Variants in CCDC171 observed in about 807,000 individuals in gnomAD.
The protein encoded by CCDC171 is coiled-coil domain containing 171, also known as coiled-coil domain-containing protein 171.
In CCDC171, 177 loss-of-function variants were observed where a neutral mutation model predicts 168.2. The observed-to-expected ratio is 1.05, with a 90% CI of 0.93 to 1.19. The LOEUF (loss-of-function observed/expected upper bound fraction) is 1.19, where lower values mean the gene tolerates loss of function less well. Ranked by LOEUF, CCDC171 falls within the 50% of genes most tolerant of loss-of-function variation. The pLI, the probability that CCDC171 is intolerant of heterozygous loss-of-function variation, is 0.00. For missense variants in CCDC171, 1,991 were observed against 1,539.0 expected (o/e 1.29, Z -4.91); for synonymous variants, 687 against 540.8 (o/e 1.27, Z -3.75).
At chr9:15,831,196 A>G (rs765309764) in intron 21 of CCDC171, among the ~76,000 whole-genome samples, 4 of 151,298 alleles carry the variant, frequency 2.6e-5, no homozygotes, top group Non-Finnish European at 5.9e-5. Flanking sequence ...ATGGTCTCGA[A>G]CTCCTAACCT....
chr9:15,749,399 A>G (rs146522442), intron 18 of CCDC171, among the ~76,000 whole-genome samples: 3 of 151,964 alleles, frequency 2.0e-5, no homozygotes, highest in African/African-American at 7.3e-5. Context: ...CACTGTCAAC[A>G]TTAGACAGAT....
chr9:16,077,881 G>A, the CCDC171 span, among the ~76,000 whole-genome samples: 1 of 152,068 alleles, frequency 6.6e-6, no homozygotes, highest in Non-Finnish European at 1.5e-5. Context: ...CAGTACCCAG[G>A]AAAAAATGTA....
At chr9:15,953,141 C>T (rs984538993) in intron 25 of CCDC171, among the ~76,000 whole-genome samples, 4 of 152,146 alleles carry the variant, frequency 2.6e-5, no homozygotes, top group African/African-American at 9.7e-5. Flanking sequence ...GATAATTTCA[C>T]TTCTTCTTTT....
At chr9:15,614,932 T>G (rs562363594) in intron 6 of CCDC171, among the ~76,000 whole-genome samples, 16 of 152,298 alleles carry the variant, frequency 1.1e-4, no homozygotes, top group African/African-American at 3.8e-4. Context: ...AATGTCAAAA[T>G]TGCTGGCCCA....
At chr9:15,706,228 C>CCTTCCTTCCTTCCTTCCTTG (rs2133954447) in intron 11 of CCDC171, among the ~76,000 whole-genome samples, 1 of 150,966 alleles carries the variant, frequency 6.6e-6, no homozygotes, top group African/African-American at 2.4e-5. Context: ...TTCCTTCCTT[C>CCTTCCTTCCTTCCTTCCTTG]CTTCCTTCCT....
At chr9:15,650,683 A>G (rs1031606196) in intron 7 of CCDC171, among the ~76,000 whole-genome samples, 3 of 152,182 alleles carry the variant, frequency 2.0e-5, no homozygotes, top group Non-Finnish European at 4.4e-5. Context: ...TCATTTTCCT[A>G]ATAAAGTCCT....
At chr9:15,895,398 A>C (rs1330378712) in intron 24 of CCDC171, among the ~76,000 whole-genome samples, 1 of 152,100 alleles carries the variant, frequency 6.6e-6, no homozygotes, top group Non-Finnish European at 1.5e-5. Context: ...AGATATCAAA[A>C]ATTCATAAGA....
rs1588859595 is a variant in CCDC171 at position 15,853,780 on chromosome 9, G to GT, written c.3468+4839dup. On this transcript the variant is annotated intron_variant, in intron 23 of 25. Transcript: ENST00000380701. ...TTGAGAAAGTGCTCTTCCTTTCCTG[G>GT]TTTTTTGAGTGTTTTTATGAAAAGG... Among the ~76,000 whole-genome samples the GT allele has an allele frequency of 4.0e-5, 6 of 151,362 alleles. No individual in the cohort carries two copies. In the South Asian group the frequency reaches 1.2e-3, roughly 31 times the overall value.
intron 1 of CCDC171, among the ~76,000 whole-genome samples, chr9:16,050,109 TCTC>T (rs1458762564): frequency 3.3e-5 from 5 of 152,122 alleles, no homozygotes; most frequent in African/African-American, 1.2e-4. Context: ...CTGGTCTCGA[TCTC>T]CTGACCTCTG....
chr9:15,944,812 G>C (rs1185178880), intron 25 of CCDC171, among the ~76,000 whole-genome samples: 1 of 127,174 alleles, frequency 7.9e-6, no homozygotes, highest in African/African-American at 3.0e-5. Context: ...CATGGTAGTT[G>C]GGTTAGAATT....
At chr9:15,755,858 A>T (rs986996051) in intron 18 of CCDC171, among the ~76,000 whole-genome samples, 2 of 152,222 alleles carry the variant, frequency 1.3e-5, no homozygotes, top group African/African-American at 4.8e-5. Context: ...GTTGATAAAA[A>T]TGTTTTAAAA....
At chr9:15,780,836 G>A (rs1202471463) in intron 20 of CCDC171, among the ~76,000 whole-genome samples, 2 of 150,428 alleles carry the variant, frequency 1.3e-5, no homozygotes, top group Non-Finnish European at 3.0e-5. Flanking sequence ...CAAAATTTGA[G>A]TATTTCCCTT....
In CCDC171 at chr9:15,670,323, TTGAG is replaced by T. The variant is rs569616635; in HGVS notation, c.1076+4002_1076+4005del. Among the ~76,000 whole-genome samples, 35 of 152,318 alleles carry T rather than the reference TTGAG, an allele frequency of 2.3e-4. 1 individual carries two copies. The South Asian group carries it at 6.8e-3, about 30-fold the overall frequency. Reference sequence around the variant, plus strand: ...ACAGATGCACTTAATTATCTATTTTTTGAGTAACAGCAGTTTTTAACTAAAATCT... The same window carrying T: ...ACAGATGCACTTAATTATCTATTTTTTAACAGCAGTTTTTAACTAAAATCT... On this transcript the variant is annotated intron_variant, in intron 9 of 25. Transcript: ENST00000380701.
chr9:15,967,892 G>A (rs1164654434), intron 25 of CCDC171, among the ~76,000 whole-genome samples: 2 of 152,074 alleles, frequency 1.3e-5, no homozygotes, highest in Admixed American at 1.3e-4. Context: ...CAGAAGCCTT[G>A]GTCGGCAAAA....
At chr9:15,947,805 A>AT (rs1828596332) in intron 25 of CCDC171, among the ~76,000 whole-genome samples, 2 of 150,102 alleles carry the variant, frequency 1.3e-5, no homozygotes, top group South Asian at 2.1e-4. Context: ...ATGCTTCCAT[A>AT]TTTTTTTTAA....
chr9:15,570,356 A>T (rs2040126527), intron 2 of CCDC171, among the ~76,000 whole-genome samples: 1 of 149,990 alleles, frequency 6.7e-6, no homozygotes, highest in Non-Finnish European at 1.5e-5. Flanking sequence ...TGGATGATAT[A>T]CTCCTATTTT....
chr9:15,705,493 T>A (rs1341625945), intron 11 of CCDC171, among the ~76,000 whole-genome samples: 1 of 152,230 alleles, frequency 6.6e-6, no homozygotes, highest in African/African-American at 2.4e-5. Flanking sequence ...AGCATGCTTT[T>A]GCCTTAGATG....
In CCDC171 at chr9:15,687,558, G is replaced by C. The variant is rs1426006222; in HGVS notation, c.1216-7677G>C. Among the ~76,000 whole-genome samples the C allele has an allele frequency of 2.6e-5, 4 of 152,138 alleles. No individual in the cohort carries two copies. The East Asian group carries it at 7.7e-4, about 29-fold the overall frequency. On this transcript the variant is annotated intron_variant, in intron 10 of 25. Transcript: ENST00000380701. Reference sequence around the variant, plus strand: ...GACTAACAAGGAAATAAAAGAAATAGAGAATTTTAAAAAATAGAGGAAATC... The same window carrying C: ...GACTAACAAGGAAATAAAAGAAATACAGAATTTTAAAAAATAGAGGAAATC...
intron 16 of CCDC171, among the ~76,000 whole-genome samples, chr9:15,737,568 CT>C (rs890699032): frequency 6.6e-5 from 10 of 152,088 alleles, no homozygotes; most frequent in African/African-American, 2.2e-4. Flanking sequence ...GACATCTTGC[CT>C]GTATTGACAT....
Sources: gnomAD v4.1 joint callset for allele counts (sites outside exome capture counted in the v4.1 genomes callset) on GRCh38, gnomAD v4.1.1 for gene constraint, MANE v1.5 for transcripts, NCBI Gene and HGNC (gene_info 2026-07-23, HGNC 2026-07-21) for gene names.